CREB5: variants seen among roughly 807,000 people sequenced by gnomAD.
CREB5 encodes the protein cyclic AMP-responsive element-binding protein 5.
In CREB5, 19 loss-of-function variants were observed where a neutral mutation model predicts 57.1. The observed-to-expected ratio is 0.33, with a 90% CI of 0.23 to 0.49. The LOEUF is 0.49. Ranked by LOEUF, CREB5 falls within the 20% of genes least tolerant of loss-of-function variation. CREB5 has a pLI of 0.99. For missense variants in CREB5, 579 were observed against 671.6 expected (o/e 0.86, Z 1.52); for synonymous variants, 238 against 238.3 (o/e 1.00, Z 0.01).
At chr7:28,685,477 T>A (rs73083766) in intron 5 of CREB5, among the ~76,000 whole-genome samples, 9,496 of 151,936 alleles carry the variant, frequency 0.062, 418 homozygotes, top group Middle Eastern at 0.14. Context: ...GAAAATCCCA[T>A]CCAGCTCCAG....
At chr7:28,682,530 A>G (rs1236398917) in intron 5 of CREB5, among the ~76,000 whole-genome samples, 1 of 152,262 alleles carries the variant, frequency 6.6e-6, no homozygotes, top group Admixed American at 6.5e-5. Flanking sequence ...GGCTGGGTAC[A>G]TGTGATAGTC....
intron 5 of CREB5, among the ~76,000 whole-genome samples, chr7:28,642,070 G>A (rs1313950165): frequency 1.3e-5 from 2 of 152,214 alleles, no homozygotes; most frequent in African/African-American, 4.8e-5. Flanking sequence ...ATCCAACCCA[G>A]CAATTGTGCT....
intron 5 of CREB5, among the ~76,000 whole-genome samples, chr7:28,621,838 A>G (rs1797803697): frequency 6.6e-6 from 1 of 152,232 alleles, no homozygotes; most frequent in Admixed American, 6.5e-5. Context: ...ACATATATCC[A>G]GAGGTGAAAA....
intron 1 of CREB5, among the ~76,000 whole-genome samples, chr7:28,405,989 G>C (rs1404532939): frequency 6.6e-6 from 1 of 152,108 alleles, no homozygotes; most frequent in African/African-American, 2.4e-5. Context: ...TTAATAAGTT[G>C]CCTGGGTGTT....
At chr7:28,625,156 C>T (rs1205078397) in intron 5 of CREB5, among the ~76,000 whole-genome samples, 5 of 152,150 alleles carry the variant, frequency 3.3e-5, no homozygotes, top group African/African-American at 9.7e-5. Flanking sequence ...GGAAGTTAAG[C>T]AACTGAATTC....
intron 1 of CREB5, among the ~76,000 whole-genome samples, chr7:28,311,180 GT>G (rs1489209110): frequency 2.7e-5 from 4 of 149,772 alleles, no homozygotes; most frequent in Non-Finnish European, 4.5e-5. Context: ...TGCAAAAGCG[GT>G]TTTGTGAAAC....
intron 5 of CREB5, among the ~76,000 whole-genome samples, chr7:28,585,740 G>A (rs1583667417): frequency 6.6e-6 from 1 of 152,106 alleles, no homozygotes; most frequent in Non-Finnish European, 1.5e-5. Context: ...GCATGAGGGG[G>A]CAAGAGATGA....
intron 5 of CREB5, among the ~76,000 whole-genome samples, chr7:28,703,447 G>GA (rs1801962747): frequency 1.3e-5 from 2 of 152,112 alleles, no homozygotes; most frequent in South Asian, 4.1e-4. Flanking sequence ...GGGTTCTCCA[G>GA]AAAAACAGAC....
chr7:28,756,236 A>G (rs1373188837), intron 7 of CREB5, among the ~76,000 whole-genome samples: 1 of 152,066 alleles, frequency 6.6e-6, no homozygotes, highest in African/African-American at 2.4e-5. Context: ...AGGGCTTGCC[A>G]TCTCCCTTTT....
At chr7:28,601,902 T>C (rs972945176) in intron 5 of CREB5, among the ~76,000 whole-genome samples, 3 of 152,110 alleles carry the variant, frequency 2.0e-5, no homozygotes, top group African/African-American at 7.2e-5. Context: ...ACAAAAAAAG[T>C]ATGTTTGGAC....
At chr7:28,612,006 A>C (rs1371630631) in intron 5 of CREB5, among the ~76,000 whole-genome samples, 1 of 152,140 alleles carries the variant, frequency 6.6e-6, no homozygotes, top group African/African-American at 2.4e-5. Context: ...AGCCATCTGG[A>C]TGATGCGAAG....
intron 5 of CREB5, among the ~76,000 whole-genome samples, chr7:28,662,078 A>T (rs1191935186): frequency 6.6e-6 from 1 of 152,184 alleles, no homozygotes; most frequent in African/African-American, 2.4e-5. Context: ...CAGCAGAAAA[A>T]AGGGCTGCTC....
At chr7:28,358,502 C>T (rs77825164) in intron 1 of CREB5, among the ~76,000 whole-genome samples, 3,922 of 152,302 alleles carry the variant, frequency 0.026, 104 homozygotes, top group Admixed American at 0.058. Flanking sequence ...TGGGACAGGC[C>T]GGGAGCTCTG....
chr7:28,360,846 T>C (rs1292666776), intron 1 of CREB5, among the ~76,000 whole-genome samples: 3 of 152,160 alleles, frequency 2.0e-5, no homozygotes, highest in African/African-American at 7.2e-5. Context: ...TCATTCCTAG[T>C]GGTGTGTGAT....
chr7:28,733,697 G>A (rs1803798779), intron 7 of CREB5, among the ~76,000 whole-genome samples: 1 of 152,142 alleles, frequency 6.6e-6, no homozygotes, highest in Admixed American at 6.5e-5. Context: ...CTCGCCGCCA[G>A]CCTGCAAGCT....
rs569182880 is a variant in CREB5, at chr7:28,646,986, G to C, written c.465-71767G>C. On this transcript the variant is annotated intron_variant, in intron 5 of 10. Transcript: ENST00000357727. ...TATAGAATGTGAAAATAACATAGGGGCAACACTGGTGATACATCAGTGGAG... is the reference window on the plus strand; with the variant it reads ...TATAGAATGTGAAAATAACATAGGGCCAACACTGGTGATACATCAGTGGAG... 2.0e-5 allele frequency among the ~76,000 whole-genome samples: 3 copies of C among 152,162 alleles called. No homozygotes were observed. In the East Asian group the frequency reaches 5.8e-4, roughly 30 times the overall value.
intron 1 of CREB5, among the ~76,000 whole-genome samples, chr7:28,372,600 T>G (rs1203598180): frequency 6.6e-6 from 1 of 152,260 alleles, no homozygotes; most frequent in East Asian, 1.9e-4. Context: ...ATAGTGTTAT[T>G]GCTCTTATTT....
chr7:28,599,000 C>G (rs956141581), intron 5 of CREB5, among the ~76,000 whole-genome samples: 5 of 152,112 alleles, frequency 3.3e-5, no homozygotes, highest in African/African-American at 1.2e-4. Flanking sequence ...AACTTCAGCT[C>G]TCATCCTGTT....
chr7:28,603,751 T>C (rs1797012930), intron 5 of CREB5, among the ~76,000 whole-genome samples: 1 of 152,184 alleles, frequency 6.6e-6, no homozygotes. Context: ...ACTTAGTCCG[T>C]TAGTTGGTTG....
Sources: gnomAD v4.1 joint callset for allele counts (sites outside exome capture counted in the v4.1 genomes callset) on GRCh38, gnomAD v4.1.1 for gene constraint, MANE v1.5 for transcripts, NCBI Gene and HGNC (gene_info 2026-07-23, HGNC 2026-07-21) for gene names.